The following PARVA variants were observed in gnomAD, a reference collection of about 807,000 sequenced individuals.
PARVA encodes parvin alpha, also known as alpha-parvin.
PARVA carries 25 observed loss-of-function variants against 52.6 expected under a neutral mutation model. The observed-to-expected ratio is 0.48, with a 90% confidence interval of 0.35 to 0.66. PARVA has a LOEUF of 0.66. PARVA is among the 30% of genes least tolerant of loss of function. The pLI is 0.01. For missense variants in PARVA, 373 were observed against 450.9 expected (o/e 0.83, Z 1.56); for synonymous variants, 185 against 179.1 (o/e 1.03, Z -0.26).
At chr11:12,453,408 C>G (rs760776209) in intron 1 of PARVA, among the ~76,000 whole-genome samples, 1 of 152,088 alleles carries the variant, frequency 6.6e-6, no homozygotes, top group Non-Finnish European at 1.5e-5. Flanking sequence ...CCTTTGTGAG[C>G]TGTGAGCCTG....
chr11:12,393,862 C>T (rs577362759), intron 1 of PARVA, among the ~76,000 whole-genome samples: 1 of 152,296 alleles, frequency 6.6e-6, no homozygotes, highest in South Asian at 2.1e-4. Context: ...GTGGCACGCT[C>T]CTCTACCTTC....
At chr11:12,461,501 G>C (rs1940779616) in intron 1 of PARVA, among the ~76,000 whole-genome samples, 1 of 152,156 alleles carries the variant, frequency 6.6e-6, no homozygotes, top group Admixed American at 6.5e-5. Flanking sequence ...AAAGGACAAA[G>C]AACAGTGATG....
chr11:12,509,596 G>A (rs931261803), intron 7 of PARVA, among the ~76,000 whole-genome samples: 13 of 152,188 alleles, frequency 8.5e-5, no homozygotes, highest in African/African-American at 1.4e-4. Context: ...GGCACTGCCC[G>A]TCTAGATCAC....
chr11:12,441,425 T>G lies in PARVA; in HGVS notation c.137-32320T>G, dbSNP rs146801068. Among the ~76,000 whole-genome samples, 124 of 152,248 alleles carry G rather than the reference T, an allele frequency of 8.1e-4. 3 individuals are homozygous for G. In the East Asian group the frequency reaches 0.023, roughly 28 times the overall value. On this transcript the variant is annotated intron_variant, in intron 1 of 12. Coordinates refer to ENST00000334956, the MANE Select transcript of PARVA (RefSeq NM_018222.5). ...GTGATCCTGAGCCTTTTCCCATGAC[T>G]TAATTGACCAAGAGAAGACCGCCCA...
At chr11:12,474,242 CA>C (rs1470509763) in intron 3 of PARVA, among the ~76,000 whole-genome samples, 4 of 152,064 alleles carry the variant, frequency 2.6e-5, no homozygotes, top group Non-Finnish European at 5.9e-5. Context: ...TCACGATGGC[CA>C]GGATTCCAGA....
rs1005001468 is a variant in PARVA at position 12,531,132 on chromosome 11, A to G, written c.*3207A>G. 2.6e-5 allele frequency among the ~76,000 whole-genome samples: 4 copies of G among 152,250 alleles called. No homozygotes were observed. Among genetic ancestry groups the G allele is most frequent in the African/African-American group, 9.6e-5 (4 of 41,466 alleles). On this transcript the variant is annotated 3_prime_UTR_variant, in exon 13 of 13. Coordinates refer to ENST00000334956, the MANE Select transcript of PARVA (RefSeq NM_018222.5). ...TACATACGCTATAATACTGTACTATAAAGTCTAGCTGCCAGCAATGCAGTG... is the reference window on the plus strand; with the variant it reads ...TACATACGCTATAATACTGTACTATGAAGTCTAGCTGCCAGCAATGCAGTG...
chr11:12,480,913 C>T (rs1176251201), intron 4 of PARVA: 2 of 151,472 alleles, frequency 1.3e-5, no homozygotes, highest in South Asian at 2.1e-4. Flanking sequence ...TTTTTAACGA[C>T]CCTGTGAGTA....
Position 12,423,205 on chromosome 11 carries a change from C to T in PARVA, c.136+45422C>T, listed in dbSNP as rs1437647109. 3.5e-5 allele frequency among the ~76,000 whole-genome samples: 5 copies of T among 140,882 alleles called. No homozygotes were observed. The East Asian group carries it at 6.1e-4, about 17-fold the overall frequency. The allele number at this position is 140,882 out of a possible 152,430, so 92.4% of individuals were successfully genotyped here. ...AGATTTTTTTTTTTTTTTTTTGAGA[C>T]GGGGTCTTGCTTACCCATGCTGGAC... On this transcript the variant is annotated intron_variant, in intron 1 of 12. Transcript: ENST00000334956.
chr11:12,407,823 G>T (rs1168145406), intron 1 of PARVA, among the ~76,000 whole-genome samples: 1 of 152,194 alleles, frequency 6.6e-6, no homozygotes, highest in Non-Finnish European at 1.5e-5. Context: ...GAAGTGTTTT[G>T]TGATTGGAGG....
intron 4 of PARVA, among the ~76,000 whole-genome samples, chr11:12,488,643 T>C (rs1941193012): frequency 6.6e-6 from 1 of 152,140 alleles, no homozygotes; most frequent in African/African-American, 2.4e-5. Context: ...AAAGAGGCAA[T>C]AAGGATAAAT....
intron 1 of PARVA, among the ~76,000 whole-genome samples, chr11:12,408,421 G>T (rs1939945423): frequency 6.6e-6 from 1 of 152,206 alleles, no homozygotes. Context: ...CAGCCTCTCA[G>T]GAGGCCTCTG....
intron 1 of PARVA, among the ~76,000 whole-genome samples, chr11:12,393,258 A>G (rs1331808040): frequency 6.6e-6 from 1 of 152,134 alleles, no homozygotes; most frequent in African/African-American, 2.4e-5. Context: ...TACATTTGTT[A>G]ACATATTTGG....
chr11:12,491,875 CTG>C (rs575819360), intron 4 of PARVA, among the ~76,000 whole-genome samples: 1 of 152,150 alleles, frequency 6.6e-6, no homozygotes, highest in Non-Finnish European at 1.5e-5. Context: ...ACCCTGCAAA[CTG>C]TATTCTTTTC....
chr11:12,441,291 T>C (rs571109739), intron 1 of PARVA, among the ~76,000 whole-genome samples: 1 of 152,316 alleles, frequency 6.6e-6, no homozygotes, highest in East Asian at 1.9e-4. Flanking sequence ...CCATCTGCCA[T>C]GCTTCAGATG....
intron 7 of PARVA, among the ~76,000 whole-genome samples, chr11:12,509,087 T>TG (rs1941472391): frequency 6.6e-6 from 1 of 151,494 alleles, no homozygotes; most frequent in African/African-American, 2.4e-5. Flanking sequence ...TTTTTTTTTT[T>TG]TTTTTTCATT....
intron 1 of PARVA, among the ~76,000 whole-genome samples, chr11:12,470,619 TGGTGAGGGAGAGA>T (rs1940920376): frequency 2.6e-5 from 4 of 152,142 alleles, no homozygotes; most frequent in Admixed American, 2.0e-4. Context: ...ACTTACATTC[TGGTGAGGGAGAGA>T]GTTAACAGCC....
intron 1 of PARVA, among the ~76,000 whole-genome samples, chr11:12,459,200 G>A (rs567870534): frequency 2.0e-5 from 3 of 152,036 alleles, no homozygotes; most frequent in South Asian, 2.1e-4. Flanking sequence ...CCAGGGGTTC[G>A]AGACCAGCCT....
Position 12,444,419 on chromosome 11 carries a change from T to A in PARVA, c.137-29326T>A, listed in dbSNP as rs894876492. ...CTGAACCAATCCTTATGTATAATAC[T>A]CAGCCCAGTATATCTTTCTTTGCTT... On this transcript the variant is annotated intron_variant, in intron 1 of 12. Coordinates refer to ENST00000334956, the MANE Select transcript of PARVA (RefSeq NM_018222.5). Among the ~76,000 whole-genome samples the A allele has an allele frequency of 1.1e-4, 16 of 152,134 alleles. 2 individuals carry two copies. The highest frequency in any genetic ancestry group is 9.2e-4 in the Admixed American group (14 of 15,280).
intron 12 of PARVA, among the ~76,000 whole-genome samples, chr11:12,527,633 G>A (rs560589070): frequency 3.3e-5 from 5 of 152,254 alleles, no homozygotes; most frequent in African/African-American, 9.6e-5. Context: ...TGGGGATTGT[G>A]GGGAGGGTCA....
Sources: gnomAD v4.1 joint callset for allele counts (sites outside exome capture counted in the v4.1 genomes callset) on GRCh38, gnomAD v4.1.1 for gene constraint, MANE v1.5 for transcripts, NCBI Gene and HGNC (gene_info 2026-07-23, HGNC 2026-07-21) for gene names.